CDKN2A: variants seen among roughly 807,000 people sequenced by gnomAD.
CDKN2A encodes the protein cyclin dependent kinase inhibitor 2A.
CDKN2A carries 3 observed loss-of-function variants against 11.1 expected under a neutral mutation model. The ratio of observed to expected loss-of-function variants is 0.27; its 90% CI spans 0.12 to 0.70. The LOEUF is 0.70. Ranked by LOEUF, CDKN2A falls within the 30% of genes least tolerant of loss-of-function variation. CDKN2A has a pLI of 0.77. For synonymous variants in CDKN2A, 122 were observed against 108.1 expected, an observed-to-expected ratio of 1.13 and a Z score of -0.80; for missense variants, 265 against 233.6, an observed-to-expected ratio of 1.13 and a Z score of -0.88.
chr9:21,990,621 A>AGG (rs1016663519), intron 2 of CDKN2A, among the ~76,000 whole-genome samples: 2 of 136,744 alleles, frequency 1.5e-5, no homozygotes, highest in African/African-American at 6.6e-5. Context: ...TGAGAGAGAG[A>AGG]GAGAGAGAGA....
At chr9:21,993,817 G>A in intron 2 of CDKN2A, 1 of 453,464 alleles carries the variant, frequency 2.2e-6, no homozygotes, top group African/African-American at 2.0e-5. Flanking sequence ...GTGTGTGTGT[G>A]TGTGTGTGTG....
intron 2 of CDKN2A, among the ~76,000 whole-genome samples, chr9:21,986,811 T>C (rs1820308574): frequency 6.6e-6 from 1 of 152,076 alleles, no homozygotes; most frequent in South Asian, 2.1e-4. Context: ...CTATTCAGCA[T>C]GTAAATTGCA....
At chr9:21,992,739 G>A (rs1299148316) in intron 2 of CDKN2A, among the ~76,000 whole-genome samples, 1 of 151,634 alleles carries the variant, frequency 6.6e-6, no homozygotes, top group Non-Finnish European at 1.5e-5. Context: ...ATTAACTAGA[G>A]TAATAAATAT....
chr9:21,974,609 T>C lies in CDKN2A; in HGVS notation c.150+69A>G, dbSNP rs1256448952. ...GAATCGAAGCGCTACCTGATTCCAA[T>C]TCCCCTGCAAACTTCGTCCTCCAGA... On this transcript the variant is annotated intron_variant, in intron 1 of 2. Transcript: ENST00000304494. The surrounding 1 kb of genome is among the most constrained non-coding windows in gnomAD (Gnocchi z 5.2). 6.2e-7 allele frequency: 1 copy of C among 1,613,940 alleles called. No homozygotes were observed. Among genetic ancestry groups the C allele is most frequent in the East Asian group, 2.2e-5 (1 of 44,888 alleles).
At chr9:21,969,907 G>T in intron 2 of CDKN2A, 2 of 396,902 alleles carry the variant, frequency 5.0e-6, no homozygotes, top group Non-Finnish European at 8.9e-6. Flanking sequence ...CAAGCAGAGG[G>T]CTTAGAGCTA....
chr9:21,975,371 C>A (rs1328101174), upstream of CDKN2A, among the ~76,000 whole-genome samples: 1 of 152,120 alleles, frequency 6.6e-6, no homozygotes, highest in Non-Finnish European at 1.5e-5. Context: ...AGTATGGCTT[C>A]TTCTTTTAAT....
At chr9:21,971,843 T>A (rs551711047) in intron 1 of CDKN2A, among the ~76,000 whole-genome samples, 2 of 152,278 alleles carry the variant, frequency 1.3e-5, no homozygotes, top group South Asian at 4.1e-4. Flanking sequence ...TCAAGCTAAG[T>A]AACCTATCCA....
chr9:21,990,193 G>A (rs1820394744), intron 2 of CDKN2A, among the ~76,000 whole-genome samples: 1 of 152,122 alleles, frequency 6.6e-6, no homozygotes, highest in Non-Finnish European at 1.5e-5. Context: ...ATCCCAAGAA[G>A]GGCGCCAAGT....
At position 21,968,564 on chromosome 9, in the gene CDKN2A, T is replaced by A; in HGVS notation, c.458-322A>T. On this transcript the variant is annotated intron_variant, in intron 2 of 2. Coordinates refer to ENST00000304494, the MANE Select transcript of CDKN2A (RefSeq NM_000077.5). The surrounding 1 kb of genome is among the most constrained non-coding windows in gnomAD (Gnocchi z 4.7). ...ACGAGTGTTATATAATGAGTCTCAG[T>A]GGTTGCTCACAATGCCAGGCGCGAA... The A allele has an allele frequency of 6.8e-7, 1 of 1,463,332 alleles. No individual in the cohort carries two copies. Among genetic ancestry groups the A allele is most frequent in the Non-Finnish European group, 9.0e-7 (1 of 1,114,850 alleles). The allele number at this position is 1,463,332 out of a possible 1,614,324, so 90.6% of individuals were successfully genotyped here.
In CDKN2A at chr9:21,995,214, T is replaced by C. The variant is rs1820593170; in HGVS notation, c.-569A>G. 1 of 152,302 alleles carries C rather than the reference T, an allele frequency of 6.6e-6. No individual in the cohort carries two copies. The highest frequency in any genetic ancestry group is 2.4e-5 in the African/African-American group (1 of 41,554). 9.4% of individuals were successfully genotyped at this position (152,302 alleles called of 1,614,324 possible). A position where few individuals can be genotyped will look rare whatever the true frequency, so the allele number is the denominator to read the frequency against. ...AGCTGGGTCCGGGCGCCCATTCCCC[T>C]CCCAGCTGCCCGCGTCGCCGAGGGC... On this transcript the variant is annotated 5_prime_UTR_variant, in exon 1 of 4. Transcript: ENST00000494262. The surrounding 1 kb of genome is among the most constrained non-coding windows in gnomAD (Gnocchi z 5.7).
At position 21,970,892 on chromosome 9, in the gene CDKN2A, C is replaced by T. The variant is rs1230430074; in HGVS notation, c.457+10G>A. 6.2e-7 allele frequency: 1 copy of T among 1,610,626 alleles called. No homozygotes were observed. Among genetic ancestry groups the T allele is most frequent in the African/African-American group, 1.3e-5 (1 of 74,922 alleles). On this transcript the variant is annotated intron_variant, in intron 2 of 2. Transcript: ENST00000304494. ...CTCAGGGTACAAATTCTCAGATCAT[C>T]AGTCCTCACCTGAGGGACCTTCCGC...
In CDKN2A at chr9:21,994,172, G is replaced by A. The variant is rs896054565; in HGVS notation, c.-175-119C>T. ...CTAGGAAGCGGCTGCTGCCCTAGACGCTGGCTCCTCAGTAGCATCAGCACG... is the reference window on the plus strand; with the variant it reads ...CTAGGAAGCGGCTGCTGCCCTAGACACTGGCTCCTCAGTAGCATCAGCACG... On this transcript the variant is annotated intron_variant, in intron 1 of 3. Transcript: ENST00000494262. 1.2e-6 allele frequency: 2 copies of A among 1,603,758 alleles called. No homozygotes were observed. The highest frequency in any genetic ancestry group is 1.7e-5 in the Admixed American group (1 of 59,980).
At chr9:21,993,815 GTGTGT>G (rs746624375) in intron 2 of CDKN2A, 60 of 451,450 alleles carry the variant, frequency 1.3e-4, no homozygotes, top group Non-Finnish European at 2.2e-4. Flanking sequence ...GTGTGTGTGT[GTGTGT>G]GTGTGTGTGT....
At chr9:21,969,022 T>G (rs180990637) in intron 2 of CDKN2A, among the ~76,000 whole-genome samples, 2 of 152,338 alleles carry the variant, frequency 1.3e-5, no homozygotes, top group Admixed American at 1.3e-4. Flanking sequence ...CGACCACTCT[T>G]TAGCTTCTCC....
In CDKN2A at chr9:21,992,275, C is replaced by A. The variant is rs3731192; in HGVS notation, c.-4+1607G>T. On this transcript the variant is annotated intron_variant, in intron 2 of 3. Transcript: ENST00000494262. ...CATATATATTCCCAAATCAATATAG[C>A]CATGGGCATAAAATATATTAATGTG... The A allele has an allele frequency of 1.1e-3, 1,005 of 915,172 alleles. 30 individuals are homozygous for A. In the Admixed American group the frequency reaches 0.056, roughly 51 times the overall value. The allele number at this position is 915,172 out of a possible 1,614,324, so 56.7% of individuals were successfully genotyped here.
upstream of CDKN2A, chr9:21,975,205 C>G: frequency 2.8e-6 from 3 of 1,078,788 alleles, no homozygotes; most frequent in South Asian, 4.1e-5. Flanking sequence ...CCTCCGGCCT[C>G]CCTGCTCCCA....
chr9:21,973,050 A>C (rs1008979750), intron 1 of CDKN2A, among the ~76,000 whole-genome samples: 2 of 152,242 alleles, frequency 1.3e-5, no homozygotes, highest in African/African-American at 2.4e-5. Flanking sequence ...AGCAAACCAA[A>C]TTGCAGCTAC....
At chr9:21,994,002 C>G (rs939508104) in exon 2 of CDKN2A, 19 of 950,412 alleles carry the variant, frequency 2.0e-5, no homozygotes, top group African/African-American at 1.6e-4. Flanking sequence ...TCGTTGTAAC[C>G]CGAATGGGGA....
At position 21,968,584 on chromosome 9, in the gene CDKN2A, C is replaced by G; in HGVS notation, c.458-342G>C. On this transcript the variant is annotated intron_variant, in intron 2 of 2. Coordinates refer to ENST00000304494, the MANE Select transcript of CDKN2A (RefSeq NM_000077.5). The surrounding 1 kb of genome is among the most constrained non-coding windows in gnomAD (Gnocchi z 4.7). Reference sequence around the variant, plus strand: ...CTCAGTGGTTGCTCACAATGCCAGGCGCGAAGGCGTGAAGATGTGGCCTTT... The same window carrying G: ...CTCAGTGGTTGCTCACAATGCCAGGGGCGAAGGCGTGAAGATGTGGCCTTT... 1 of 1,471,242 alleles carries G rather than the reference C, an allele frequency of 6.8e-7. No homozygotes were observed. The allele number at this position is 1,471,242 out of a possible 1,614,324, so 91.1% of individuals were successfully genotyped here.
Sources: allele counts gnomAD v4.1 joint callset (sites outside exome capture counted in the v4.1 genomes callset), GRCh38; gene constraint gnomAD v4.1.1; non-coding constraint Gnocchi (gnomAD v3.1); transcripts MANE v1.5; gene names NCBI Gene and HGNC (gene_info 2026-07-23, HGNC 2026-07-21).